ANKIB1: variants seen among roughly 807,000 people sequenced by gnomAD.
ANKIB1 encodes ankyrin repeat and IBR domain-containing protein 1.
A neutral mutation model predicts 122.1 loss-of-function variants in ANKIB1; 43 were observed. That is an observed-to-expected ratio of 0.35 (90% CI 0.28 to 0.45). The LOEUF is 0.45. Ranked by LOEUF, ANKIB1 falls within the 20% of genes least tolerant of loss-of-function variation. The pLI, the probability that ANKIB1 is intolerant of heterozygous loss-of-function variation, is 1.00. For synonymous variants in ANKIB1, 390 were observed against 442.0 expected, an observed-to-expected ratio of 0.88 and a Z score of 1.48; for missense variants, 992 against 1,329.5, an observed-to-expected ratio of 0.75 and a Z score of 3.95.
chr7:92,260,606 C>A (rs925299787), intron 1 of ANKIB1, among the ~76,000 whole-genome samples: 3 of 151,640 alleles, frequency 2.0e-5, no homozygotes, highest in Non-Finnish European at 4.4e-5. Context: ...TCACTTGAGC[C>A]TGGGAGGCTG....
At chr7:92,250,961 T>G (rs1440563604) in intron 1 of ANKIB1, among the ~76,000 whole-genome samples, 1 of 152,212 alleles carries the variant, frequency 6.6e-6, no homozygotes, top group East Asian at 1.9e-4. Flanking sequence ...TTATACACTC[T>G]TCTGTTTTTA....
intron 1 of ANKIB1, among the ~76,000 whole-genome samples, chr7:92,275,829 C>A (rs564994003): frequency 7.2e-5 from 11 of 152,292 alleles, no homozygotes; most frequent in Non-Finnish European, 1.5e-5. Context: ...TGCTGGTTGC[C>A]TAACCCCTGC....
At chr7:92,273,460 A>G (rs997590909) in intron 1 of ANKIB1, among the ~76,000 whole-genome samples, 7 of 152,238 alleles carry the variant, frequency 4.6e-5, no homozygotes, top group African/African-American at 1.7e-4. Flanking sequence ...TTTATGATCC[A>G]GAAACCTCTC....
At chr7:92,268,227 T>TA (rs1801714123) in intron 1 of ANKIB1, among the ~76,000 whole-genome samples, 1 of 152,170 alleles carries the variant, frequency 6.6e-6, no homozygotes, top group Non-Finnish European at 1.5e-5. Flanking sequence ...GTACCTGGAG[T>TA]GAAGCCAGTT....
chr7:92,296,159 T>A (rs953787738), intron 2 of ANKIB1, among the ~76,000 whole-genome samples: 1 of 152,148 alleles, frequency 6.6e-6, no homozygotes, highest in African/African-American at 2.4e-5. Context: ...GCCATGTCCA[T>A]GCTGTTCTCT....
chr7:92,398,093 A>T, intron 19 of ANKIB1, 119 bp from the exon 20 acceptor site: 8 of 1,179,386 alleles, frequency 6.8e-6, no homozygotes, highest in Non-Finnish European at 6.8e-6. Context: ...AGATAAAATA[A>T]TTTTTCTGTA....
In ANKIB1 at chr7:92,309,394, G is replaced by C. The variant is rs576192474; in HGVS notation, c.486+1738G>C. On this transcript the variant is annotated intron_variant, in intron 3 of 19. Transcript: ENST00000265742. ...ACATGCCACCAAGCCTGGCTCCAAT[G>C]TTTTCTAACGTTGATTCACTGTGGT... Among the ~76,000 whole-genome samples, 12 of 152,242 alleles carry C rather than the reference G, an allele frequency of 7.9e-5. No individual in the cohort carries two copies. The East Asian group carries it at 2.1e-3, about 27-fold the overall frequency.
intron 1 of ANKIB1, among the ~76,000 whole-genome samples, chr7:92,294,256 A>G (rs2131918823): frequency 6.6e-6 from 1 of 152,334 alleles, no homozygotes; most frequent in South Asian, 2.1e-4. Flanking sequence ...TGTATAGCAG[A>G]AAGAAATAAA....
chr7:92,323,888 C>CA (rs1214505697), intron 4 of ANKIB1, among the ~76,000 whole-genome samples: 1 of 152,102 alleles, frequency 6.6e-6, no homozygotes, highest in Non-Finnish European at 1.5e-5. Flanking sequence ...ATGAAAGATC[C>CA]AAAACAGATA....
intron 7 of ANKIB1, chr7:92,347,941 C>T (rs1803575790): frequency 4.6e-6 from 2 of 436,212 alleles, no homozygotes; most frequent in Non-Finnish European, 9.1e-6. Flanking sequence ...TTATCATATT[C>T]CTAAGCATTG....
rs551696445 is a variant in ANKIB1 at position 92,361,999 on chromosome 7, C to T, written c.1398-186C>T. On this transcript the variant is annotated intron_variant, in intron 9 of 19. Coordinates refer to ENST00000265742, the MANE Select transcript of ANKIB1 (RefSeq NM_019004.2). The stretch of plus-strand genomic sequence containing the variant: ...TAATTTTTTGTATTTTTAGTAGAGA[C>T]GGGGTTTCACCATATTGGCCAGGCT... Among the ~76,000 whole-genome samples the T allele has an allele frequency of 1.3e-4, 19 of 151,692 alleles. No individual in the cohort carries two copies. The East Asian group carries it at 2.9e-3, about 23-fold the overall frequency.
intron 3 of ANKIB1, among the ~76,000 whole-genome samples, chr7:92,312,228 A>G (rs1173771060): frequency 6.6e-6 from 1 of 152,148 alleles, no homozygotes; most frequent in Admixed American, 6.5e-5. Flanking sequence ...GAACTTCCTT[A>G]CACAGAAAAA....
Position 92,387,808 on chromosome 7 carries a change from AAC to A in ANKIB1, c.1767_1768del (p.His589GlnfsTer7), listed in dbSNP as rs1410211950. ...ACTTTTGTTTTCTAGGCTGAGAAAA[AAC>A]ACAAACGATTTCAGGAACTTGACAG... is the stretch of plus-strand genomic sequence containing the variant. On this transcript the variant is annotated frameshift_variant, in exon 13 of 20. Transcript: ENST00000265742. LOFTEE classifies it high-confidence loss of function. The A allele has an allele frequency of 6.2e-7, 1 of 1,609,080 alleles. No individual in the cohort carries two copies. The highest frequency in any genetic ancestry group is 8.5e-7 in the Non-Finnish European group (1 of 1,178,614).
chr7:92,329,978 C>T (rs1411045500), intron 5 of ANKIB1, among the ~76,000 whole-genome samples: 2 of 152,178 alleles, frequency 1.3e-5, no homozygotes, highest in Admixed American at 6.5e-5. Context: ...CTGCTGAAAA[C>T]CCTTCAGTGG....
At chr7:92,327,497 C>T (rs1384338925) in intron 4 of ANKIB1, among the ~76,000 whole-genome samples, 1 of 152,146 alleles carries the variant, frequency 6.6e-6, no homozygotes, top group Non-Finnish European at 1.5e-5. Flanking sequence ...CTCCCATATA[C>T]TTTAAATCAT....
chr7:92,310,787 A>G (rs1003654808), intron 3 of ANKIB1, among the ~76,000 whole-genome samples: 1 of 152,208 alleles, frequency 6.6e-6, no homozygotes, highest in Non-Finnish European at 1.5e-5. Flanking sequence ...AAAAACGTGG[A>G]TGTTCAATAC....
chr7:92,392,680 A>C (rs1585141743), intron 17 of ANKIB1, among the ~76,000 whole-genome samples: 1 of 152,116 alleles, frequency 6.6e-6, no homozygotes, highest in Admixed American at 6.6e-5. Flanking sequence ...TTAATGCAAC[A>C]ACCTGAGGGA....
intron 1 of ANKIB1, among the ~76,000 whole-genome samples, chr7:92,255,632 C>G (rs1182657246): frequency 6.6e-6 from 1 of 152,098 alleles, no homozygotes; most frequent in Non-Finnish European, 1.5e-5. Context: ...TTCCCCTCCC[C>G]CAGAATAACA....
chr7:92,365,385 C>G (rs537512421), intron 10 of ANKIB1, among the ~76,000 whole-genome samples: 13 of 152,218 alleles, frequency 8.5e-5, no homozygotes, highest in Non-Finnish European at 1.6e-4. Context: ...ATAGGAAAGA[C>G]ATTCCAGGCA....
Sources: allele counts gnomAD v4.1 joint callset (sites outside exome capture counted in the v4.1 genomes callset), GRCh38; gene constraint gnomAD v4.1.1; transcripts MANE v1.5; gene names NCBI Gene and HGNC (gene_info 2026-07-23, HGNC 2026-07-21).